The following ZNF536 variants were observed in gnomAD, a reference collection of about 807,000 sequenced individuals.
The protein encoded by ZNF536 is zinc finger protein 536.
A neutral mutation model predicts 84.5 loss-of-function variants in ZNF536; 13 were observed. The observed-to-expected ratio is 0.15, with a 90% CI of 0.10 to 0.24. The LOEUF is 0.24. ZNF536 is among the 10% of genes least tolerant of loss of function. ZNF536 has a pLI of 1.00. For synonymous variants in ZNF536, 811 were observed against 742.5 expected, an observed-to-expected ratio of 1.09 and a Z score of -1.50; for missense variants, 1,536 against 1,747.5, an observed-to-expected ratio of 0.88 and a Z score of 2.16.
chr19:30,515,280 TAAC>T (rs1400545724), intron 2 of ZNF536, among the ~76,000 whole-genome samples: 4 of 152,030 alleles, frequency 2.6e-5, no homozygotes, highest in Admixed American at 2.0e-4. Flanking sequence ...ACCCAAAATA[TAAC>T]AACAACTTCT....
At chr19:30,233,790 A>T (rs1316888938) in intron 1 of ZNF536, among the ~76,000 whole-genome samples, 2 of 152,026 alleles carry the variant, frequency 1.3e-5, no homozygotes, top group Non-Finnish European at 2.9e-5. Flanking sequence ...CTAGGATTAG[A>T]CCCATCCTTT....
intron 2 of ZNF536, among the ~76,000 whole-genome samples, chr19:30,496,096 C>A (rs2054708462): frequency 6.6e-6 from 1 of 152,118 alleles, no homozygotes; most frequent in Non-Finnish European, 1.5e-5. Context: ...TCCGGGCGTT[C>A]CTGGGGAATC....
At chr19:30,405,881 G>C (rs1341693217) in intron 1 of ZNF536, among the ~76,000 whole-genome samples, 2 of 151,844 alleles carry the variant, frequency 1.3e-5, no homozygotes, top group African/African-American at 4.8e-5. Flanking sequence ...GGGTTCAAGC[G>C]ATTCTCCTGC....
intron 1 of ZNF536, among the ~76,000 whole-genome samples, chr19:30,272,765 G>C (rs187486826): frequency 5.1e-4 from 77 of 152,184 alleles, no homozygotes; most frequent in Non-Finnish European, 9.0e-4. Context: ...TTTTATTGCT[G>C]AATAATATTC....
intron 1 of ZNF536, among the ~76,000 whole-genome samples, chr19:30,693,586 T>TA (rs11419641): frequency 0.29 from 42,488 of 149,066 alleles, 6,516 homozygotes; most frequent in East Asian, 0.44. Flanking sequence ...TGTGACTTCA[T>TA]AAAAAAAAAA....
At chr19:30,484,206 G>T (rs1412295722) in intron 2 of ZNF536, among the ~76,000 whole-genome samples, 1 of 151,364 alleles carries the variant, frequency 6.6e-6, no homozygotes, top group East Asian at 1.9e-4. Context: ...CATCAGTGTG[G>T]GGTGTTTTCT....
At chr19:30,356,105 A>G (rs892351252) in intron 3 of ZNF536, among the ~76,000 whole-genome samples, 2 of 152,214 alleles carry the variant, frequency 1.3e-5, no homozygotes, top group African/African-American at 4.8e-5. Flanking sequence ...CACATCAGAC[A>G]ATGATTTCAT....
chr19:30,357,339 C>T (rs549330003), intron 3 of ZNF536, among the ~76,000 whole-genome samples: 7 of 152,054 alleles, frequency 4.6e-5, no homozygotes, highest in African/African-American at 7.2e-5. Flanking sequence ...CGGGGAAGAG[C>T]GTGGCATGTC....
At chr19:30,392,333 T>C (rs2049628400) in intron 1 of ZNF536, among the ~76,000 whole-genome samples, 1 of 152,038 alleles carries the variant, frequency 6.6e-6, no homozygotes, top group Non-Finnish European at 1.5e-5. Context: ...GAAGGGAGGT[T>C]AGGAGCAGCC....
At chr19:30,604,261 G>A (rs573674759) in intron 1 of ZNF536, among the ~76,000 whole-genome samples, 1 of 152,012 alleles carries the variant, frequency 6.6e-6, no homozygotes, top group Non-Finnish European at 1.5e-5. Context: ...ATGGCTGCCA[G>A]TAATATGTTA....
At chr19:30,381,827 C>T (rs1413529811) in intron 1 of ZNF536, among the ~76,000 whole-genome samples, 1 of 152,134 alleles carries the variant, frequency 6.6e-6, no homozygotes, top group African/African-American at 2.4e-5. Flanking sequence ...CTGACCGGAG[C>T]GATCTATGTG....
rs143951759 is a variant in ZNF536 at position 30,278,273 on chromosome 19, G to A, written c.-189-5799G>A. On this transcript the variant is annotated intron_variant, in intron 1 of 5. Coordinates refer to the ZNF536 transcript ENST00000585628. ...AGCTTCCCAGGGAAAGGCAAGGCAA[G>A]GCAGGGCTGGGAGGGTTTGAATTGG... 6.5e-3 allele frequency among the ~76,000 whole-genome samples: 985 copies of A among 152,342 alleles called. 12 individuals are homozygous for A. The highest frequency in any genetic ancestry group is 0.023 in the African/African-American group (945 of 41,580).
At chr19:30,388,516 C>T (rs2049441237) in intron 1 of ZNF536, among the ~76,000 whole-genome samples, 1 of 152,152 alleles carries the variant, frequency 6.6e-6, no homozygotes, top group Non-Finnish European at 1.5e-5. Flanking sequence ...CAGCGGTGGC[C>T]ATGCCCGGGG....
intron 1 of ZNF536, among the ~76,000 whole-genome samples, chr19:30,418,712 T>C (rs986255353): frequency 6.6e-6 from 1 of 152,156 alleles, no homozygotes; most frequent in Admixed American, 6.5e-5. Flanking sequence ...TCTCAAGAGG[T>C]ACCCATTTCC....
chr19:30,657,319 C>T (rs2049949653), intron 1 of ZNF536, among the ~76,000 whole-genome samples: 2 of 152,132 alleles, frequency 1.3e-5, no homozygotes, highest in South Asian at 4.1e-4. Flanking sequence ...ATAGAATCTA[C>T]CTCAAATAGT....
At chr19:30,240,232 G>A (rs896908866) in intron 1 of ZNF536, among the ~76,000 whole-genome samples, 1 of 152,238 alleles carries the variant, frequency 6.6e-6, no homozygotes, top group South Asian at 2.1e-4. Context: ...AATTAGCCAG[G>A]CATGGTGGCG....
Position 30,363,025 on chromosome 19 carries a change from C to T in ZNF536, c.-3+10541C>T, listed in dbSNP as rs954511717. Among the ~76,000 whole-genome samples the T allele has an allele frequency of 2.0e-5, 3 of 152,012 alleles. No individual in the cohort carries two copies. The East Asian group carries it at 5.8e-4, about 29-fold the overall frequency. On this transcript the variant is annotated intron_variant, in intron 3 of 5. Coordinates refer to the ZNF536 transcript ENST00000585628. ...AGTGAGCCAAGATTGTGCCACTGCA[C>T]TCCAGCCTGGGCAACGCAGCGAGAC...
intron 1 of ZNF536, among the ~76,000 whole-genome samples, chr19:30,262,079 G>A (rs1051917401): frequency 6.6e-6 from 1 of 152,194 alleles, no homozygotes; most frequent in Non-Finnish European, 1.5e-5. Context: ...CTAGTTCACC[G>A]CTTTCAGAAA....
At chr19:30,503,837 G>A (rs59761162) in intron 2 of ZNF536, among the ~76,000 whole-genome samples, 2,003 of 151,608 alleles carry the variant, frequency 0.013, 53 homozygotes, top group African/African-American at 0.046. Flanking sequence ...CCTGGGTAGT[G>A]GGATTTTGGG....
Sources: allele counts gnomAD v4.1 joint callset (sites outside exome capture counted in the v4.1 genomes callset), GRCh38; gene constraint gnomAD v4.1.1; transcripts MANE v1.5; gene names NCBI Gene and HGNC (gene_info 2026-07-23, HGNC 2026-07-21).